Variants in NKAIN3 observed in about 807,000 individuals in gnomAD.
NKAIN3 encodes the protein sodium/potassium-transporting ATPase subunit beta-1-interacting protein 3.
In NKAIN3, 25 loss-of-function variants were observed where a neutral mutation model predicts 30.2. The observed-to-expected ratio is 0.83, with a 90% confidence interval of 0.60 to 1.16. NKAIN3 has a LOEUF of 1.16. Among genes scored for constraint, NKAIN3 ranks in the 50% most tolerant of loss-of-function variants. NKAIN3 has a pLI of 0.00. For missense variants in NKAIN3, 225 were observed against 254.1 expected, an observed-to-expected ratio of 0.89 and a Z score of 0.78; for synonymous variants, 91 against 89.6, an observed-to-expected ratio of 1.02 and a Z score of -0.09.
intron 4 of NKAIN3, among the ~76,000 whole-genome samples, chr8:62,790,351 T>G (rs1379984229): frequency 6.6e-6 from 1 of 152,120 alleles, no homozygotes; most frequent in Non-Finnish European, 1.5e-5. Context: ...CCACAGCCAA[T>G]ATCATACTGA....
chr8:62,739,178 G>C (rs554986336), intron 3 of NKAIN3, among the ~76,000 whole-genome samples: 144 of 151,788 alleles, frequency 9.5e-4, no homozygotes, highest in African/African-American at 3.4e-3. Context: ...TGAGTTGATG[G>C]GTGCAGCAAA....
Position 62,966,334 on chromosome 8 carries a change from T to C in NKAIN3, c.*927T>C. 1.0e-6 allele frequency: 1 copy of C among 984,676 alleles called. No individual in the cohort carries two copies. The highest frequency in any genetic ancestry group is 1.2e-6 in the Non-Finnish European group (1 of 829,308). The allele number at this position is 984,676 out of a possible 1,614,324, so 61.0% of individuals were successfully genotyped here. A position where few individuals can be genotyped will look rare whatever the true frequency, so the allele number is the denominator to read the frequency against. ...CGTGTGAGCAACATCAGCTTTTCTT[T>C]CTCCTACCCCTTCCCAATAACCAAG... On this transcript the variant is annotated 3_prime_UTR_variant, in exon 7 of 7. Transcript: ENST00000623646.
intron 1 of NKAIN3, among the ~76,000 whole-genome samples, chr8:62,508,979 A>G (rs1008879436): frequency 1.3e-5 from 2 of 149,390 alleles, no homozygotes; most frequent in African/African-American, 2.5e-5. Flanking sequence ...GTAGTCATCT[A>G]TGGTTTCCCC....
intron 3 of NKAIN3, among the ~76,000 whole-genome samples, chr8:62,672,569 G>T (rs981598040): frequency 2.6e-5 from 4 of 152,136 alleles, no homozygotes; most frequent in African/African-American, 9.7e-5. Flanking sequence ...AATATTTATG[G>T]CATCAGGTCA....
chr8:62,691,885 C>T (rs1003597915), intron 3 of NKAIN3, among the ~76,000 whole-genome samples: 6 of 152,214 alleles, frequency 3.9e-5, no homozygotes, highest in Admixed American at 6.5e-5. Flanking sequence ...GCTCATGAAT[C>T]GAAGAGCAAG....
intron 4 of NKAIN3, among the ~76,000 whole-genome samples, chr8:62,853,624 C>G (rs1399410487): frequency 6.6e-6 from 1 of 152,010 alleles, no homozygotes; most frequent in African/African-American, 2.4e-5. Context: ...AGCTATCAGT[C>G]TATCTATTTT....
At chr8:62,580,044 G>A (rs1248819356) in intron 2 of NKAIN3, among the ~76,000 whole-genome samples, 1 of 152,158 alleles carries the variant, frequency 6.6e-6, no homozygotes, top group Admixed American at 6.5e-5. Context: ...ATAACTTTCA[G>A]TGACATTTGT....
At chr8:62,622,634 T>A (rs1586019307) in intron 3 of NKAIN3, among the ~76,000 whole-genome samples, 1 of 152,086 alleles carries the variant, frequency 6.6e-6, no homozygotes, top group African/African-American at 2.4e-5. Context: ...GTTCTTTTAC[T>A]GTGAAATTTT....
chr8:62,869,037 G>C (rs1038814468), intron 4 of NKAIN3, among the ~76,000 whole-genome samples: 4 of 152,178 alleles, frequency 2.6e-5, no homozygotes, highest in Non-Finnish European at 1.5e-5. Flanking sequence ...TCGCAACTAC[G>C]CAGAATAGGA....
chr8:62,507,198 C>T (rs527915318), intron 1 of NKAIN3, among the ~76,000 whole-genome samples: 16 of 152,082 alleles, frequency 1.1e-4, no homozygotes, highest in Non-Finnish European at 1.8e-4. Context: ...AAAATTGAAA[C>T]AATCTTGGAA....
intron 1 of NKAIN3, among the ~76,000 whole-genome samples, chr8:62,453,094 A>C (rs969444167): frequency 1.3e-5 from 2 of 152,200 alleles, no homozygotes; most frequent in African/African-American, 2.4e-5. Context: ...AGTCTTTTTG[A>C]GTATTTTAAG....
intron 4 of NKAIN3, among the ~76,000 whole-genome samples, chr8:62,851,751 A>T (rs1819904691): frequency 6.6e-6 from 1 of 152,106 alleles, no homozygotes; most frequent in Admixed American, 6.6e-5. Context: ...TATATGCTGG[A>T]TTACATTTAT....
At chr8:62,556,686 C>G (rs947804328) in intron 1 of NKAIN3, among the ~76,000 whole-genome samples, 2 of 151,524 alleles carry the variant, frequency 1.3e-5, no homozygotes, top group Admixed American at 1.3e-4. Flanking sequence ...GGCAAAAAAA[C>G]ATTATAATGG....
intron 1 of NKAIN3, among the ~76,000 whole-genome samples, chr8:62,329,028 TCAG>T (rs1428564233): frequency 6.6e-6 from 1 of 152,096 alleles, no homozygotes; most frequent in Non-Finnish European, 1.5e-5. Context: ...ATCCATGTCA[TCAG>T]CAGCTTTGTG....
chr8:62,747,363 A>G (rs1434480102), intron 4 of NKAIN3, among the ~76,000 whole-genome samples: 1 of 152,180 alleles, frequency 6.6e-6, no homozygotes, highest in Non-Finnish European at 1.5e-5. Flanking sequence ...CTAACTTAAG[A>G]TACAGTCCAC....
chr8:62,349,165 C>A (rs902668663), intron 1 of NKAIN3, among the ~76,000 whole-genome samples: 1 of 152,186 alleles, frequency 6.6e-6, no homozygotes, highest in Non-Finnish European at 1.5e-5. Flanking sequence ...CATCATCATG[C>A]ATCTTCTGCC....
intron 1 of NKAIN3, among the ~76,000 whole-genome samples, chr8:62,393,026 T>A (rs1344715800): frequency 1.3e-5 from 2 of 152,094 alleles, no homozygotes; most frequent in Admixed American, 1.3e-4. Context: ...GGTGCAGGTC[T>A]CTAAATTTCA....
intron 1 of NKAIN3, among the ~76,000 whole-genome samples, chr8:62,420,868 A>T (rs1009801594): frequency 1.3e-5 from 2 of 152,242 alleles, no homozygotes; most frequent in South Asian, 4.1e-4. Context: ...ATTTTGCTAA[A>T]ATATGGTTTT....
At chr8:62,762,629 C>T (rs2130619347) in intron 4 of NKAIN3, among the ~76,000 whole-genome samples, 1 of 152,220 alleles carries the variant, frequency 6.6e-6, no homozygotes, top group South Asian at 2.1e-4. Context: ...TCACAGTAGA[C>T]CACATGACAG....
Sources: allele counts gnomAD v4.1 joint callset (sites outside exome capture counted in the v4.1 genomes callset), GRCh38; gene constraint gnomAD v4.1.1; transcripts MANE v1.5; gene names NCBI Gene and HGNC (gene_info 2026-07-23, HGNC 2026-07-21).